The following SAMHD1 variants were observed in gnomAD, a reference collection of about 807,000 sequenced individuals.
SAMHD1 encodes SAM and HD domain containing deoxynucleoside triphosphate triphosphohydrolase 1.
A neutral mutation model predicts 79.6 loss-of-function variants in SAMHD1; 54 were observed. That is an observed-to-expected ratio of 0.68 (90% CI 0.55 to 0.85). The LOEUF is 0.85. Among genes scored for constraint, SAMHD1 ranks in the 40% least tolerant of loss-of-function variants. SAMHD1 has a pLI of 0.00. For missense variants in SAMHD1, 663 were observed against 782.7 expected, an observed-to-expected ratio of 0.85 and a Z score of 1.82; for synonymous variants, 260 against 264.1, an observed-to-expected ratio of 0.98 and a Z score of 0.15.
Position 36,930,387 on chromosome 20 carries a change from T to G in SAMHD1, c.625+373A>C, listed in dbSNP as rs552728289. ...GGTGCATGCCTGTAATCCCAGCTAC[T>G]CGGGAGGCTGAGGCACGAGAATTGC... is the stretch of plus-strand genomic sequence containing the variant. On this transcript the variant is annotated intron_variant, in intron 5 of 15. Transcript: ENST00000646673. Among the ~76,000 whole-genome samples the G allele has an allele frequency of 1.8e-4, 28 of 151,834 alleles. No homozygotes were observed. The South Asian group carries it at 5.6e-3, about 30-fold the overall frequency.
chr20:36,907,091 CTT>C (rs75717058), intron 11 of SAMHD1, among the ~76,000 whole-genome samples: 15 of 140,016 alleles, frequency 1.1e-4, no homozygotes, highest in Admixed American at 2.9e-4. Context: ...TGCACCTGGC[CTT>C]TTTTTTTTTT....
intron 9 of SAMHD1, 143 bp from the exon 10 acceptor site, chr20:36,912,695 C>A: frequency 1.6e-6 from 1 of 630,460 alleles, no homozygotes; most frequent in East Asian, 2.8e-5. Flanking sequence ...CACCTTTGAC[C>A]CCACTAAAAA....
intron 3 of SAMHD1, among the ~76,000 whole-genome samples, chr20:36,937,310 C>T (rs1173904888): frequency 1.3e-5 from 2 of 151,910 alleles, no homozygotes; most frequent in Admixed American, 1.3e-4. Context: ...ACCTTGGGTT[C>T]GGCAATGGTT....
chr20:36,911,209 A>G lies in SAMHD1; in HGVS notation c.1270+9T>C. On this transcript the variant is annotated intron_variant, in intron 11 of 15. Transcript: ENST00000646673. ...AGATGGACCATCTATGTTACCTGTT[A>G]CTTCTTACCTGTCAGCTTAGTATAG... The G allele has an allele frequency of 1.3e-6, 2 of 1,563,154 alleles. No individual in the cohort carries two copies. Among genetic ancestry groups the G allele is most frequent in the Non-Finnish European group, 1.8e-6 (2 of 1,134,086 alleles).
rs541544606 is a variant in SAMHD1 at position 36,910,468 on chromosome 20, G to A, written c.1270+750C>T. ...TAATGGGCCGGGCGTAGTGGCTCAC[G>A]TCTGTAATCCTAGCACTCTGGGAGA... On this transcript the variant is annotated intron_variant, in intron 11 of 15. Transcript: ENST00000646673. 5.9e-5 allele frequency among the ~76,000 whole-genome samples: 9 copies of A among 151,994 alleles called. 1 individual carries two copies. The highest frequency in any genetic ancestry group is 2.1e-4 in the South Asian group (1 of 4,798).
At position 36,944,651 on chromosome 20, in the gene SAMHD1, T is replaced by C. The variant is rs533266407; in HGVS notation, c.275+2087A>G. ...GGCTCGCGCCTATAATCCCAGCACT[T>C]TGGGAGGACGAGGTGGGTGGATCAC... On this transcript the variant is annotated intron_variant, in intron 2 of 15. Coordinates refer to ENST00000646673, the MANE Select transcript of SAMHD1 (RefSeq NM_015474.4). 1.9e-3 allele frequency among the ~76,000 whole-genome samples: 287 copies of C among 152,242 alleles called. 1 individual carries two copies. The highest frequency in any genetic ancestry group is 6.4e-3 in the African/African-American group (267 of 41,546).
intron 2 of SAMHD1, among the ~76,000 whole-genome samples, chr20:36,942,221 G>C (rs2063649917): frequency 6.6e-6 from 1 of 152,178 alleles, no homozygotes; most frequent in Non-Finnish European, 1.5e-5. Flanking sequence ...CTCGAGACAA[G>C]CCTGACTAAC....
At chr20:36,925,610 C>CAT (rs998425934) in intron 6 of SAMHD1, among the ~76,000 whole-genome samples, 6 of 152,170 alleles carry the variant, frequency 3.9e-5, no homozygotes, top group African/African-American at 1.4e-4. Context: ...TATACCTAAC[C>CAT]ATATATATAC....
chr20:36,938,523 G>C (rs144475111), intron 3 of SAMHD1, among the ~76,000 whole-genome samples: 1 of 151,636 alleles, frequency 6.6e-6, no homozygotes, highest in Non-Finnish European at 1.5e-5. Context: ...CTGGGCAACC[G>C]AGTGAAACTC....
chr20:36,944,763 G>A (rs73620246), intron 2 of SAMHD1, among the ~76,000 whole-genome samples: 11 of 151,924 alleles, frequency 7.2e-5, no homozygotes, highest in African/African-American at 2.4e-4. Context: ...GCATGGTGGC[G>A]CATGCCTGTA....
chr20:36,943,783 G>A (rs1413954731), intron 2 of SAMHD1, among the ~76,000 whole-genome samples: 1 of 152,100 alleles, frequency 6.6e-6, no homozygotes. Context: ...CTGAAATGTG[G>A]TTATGAAAGA....
intron 7 of SAMHD1, 188 bp from the exon 8 acceptor site, chr20:36,917,237 T>TG: frequency 6.6e-6 from 4 of 610,038 alleles, no homozygotes; most frequent in Non-Finnish European, 1.2e-5. Flanking sequence ...GGAAAAGAAA[T>TG]GCTAAGGTAT....
At chr20:36,918,659 G>A (rs556604352) in intron 7 of SAMHD1, among the ~76,000 whole-genome samples, 2 of 151,640 alleles carry the variant, frequency 1.3e-5, no homozygotes, top group South Asian at 2.1e-4. Context: ...AAGATTTGCC[G>A]GGCGTGGTGG....
At chr20:36,951,101 A>T (rs761292334) in intron 1 of SAMHD1, among the ~76,000 whole-genome samples, 4 of 152,168 alleles carry the variant, frequency 2.6e-5, no homozygotes, top group Non-Finnish European at 5.9e-5. Context: ...CCAATCTACG[A>T]CTGCCCCTCC....
chr20:36,913,284 A>G (rs2063456312), intron 9 of SAMHD1, among the ~76,000 whole-genome samples: 1 of 150,144 alleles, frequency 6.7e-6, no homozygotes, highest in Non-Finnish European at 1.5e-5. Flanking sequence ...GGCGTGAGCC[A>G]CTGTGCCCGG....
intron 3 of SAMHD1, among the ~76,000 whole-genome samples, chr20:36,936,297 G>A (rs1223961764): frequency 6.6e-6 from 1 of 152,048 alleles, no homozygotes; most frequent in Admixed American, 6.6e-5. Flanking sequence ...ATGTGTTTAT[G>A]TGTGTGTGTT....
In SAMHD1 at chr20:36,927,278, C is replaced by T. The variant is rs184929310; in HGVS notation, c.626-26G>A. 203 of 1,467,170 alleles carry T rather than the reference C, an allele frequency of 1.4e-4. 1 individual carries two copies. Among genetic ancestry groups the T allele is most frequent in the Admixed American group, 2.2e-4 (13 of 58,568 alleles). The allele number at this position is 1,467,170 out of a possible 1,614,324, so 90.9% of individuals were successfully genotyped here. On this transcript the variant is annotated intron_variant, in intron 5 of 15. Coordinates refer to ENST00000646673, the MANE Select transcript of SAMHD1 (RefSeq NM_015474.4). ...CTTAAAAACAAAAGCAGCCTTAGAACAAGAAAAACATCTGTAAACCAACAA... is the reference window on the plus strand; with the variant it reads ...CTTAAAAACAAAAGCAGCCTTAGAATAAGAAAAACATCTGTAAACCAACAA...
intron 13 of SAMHD1, among the ~76,000 whole-genome samples, chr20:36,903,637 C>T (rs1170368109): frequency 2.7e-5 from 4 of 150,796 alleles, no homozygotes; most frequent in African/African-American, 9.8e-5. Flanking sequence ...GCAACCTCTG[C>T]CTCCTGGGTT....
intron 11 of SAMHD1, among the ~76,000 whole-genome samples, chr20:36,907,136 G>C (rs2063409779): frequency 1.3e-5 from 2 of 151,308 alleles, no homozygotes; most frequent in African/African-American, 4.9e-5. Flanking sequence ...CTGTGGCCTA[G>C]GCTGAAGTGC....
Sources: allele counts gnomAD v4.1 joint callset (sites outside exome capture counted in the v4.1 genomes callset), GRCh38; gene constraint gnomAD v4.1.1; transcripts MANE v1.5; gene names NCBI Gene and HGNC (gene_info 2026-07-23, HGNC 2026-07-21).